EXOC2: variants seen among roughly 807,000 people sequenced by gnomAD.
EXOC2 encodes the protein SEC5-like 1.
A neutral mutation model predicts 131.8 loss-of-function variants in EXOC2; 70 were observed. The ratio of observed to expected loss-of-function variants is 0.53; its 90% confidence interval spans 0.44 to 0.65. The LOEUF (loss-of-function observed/expected upper bound fraction) is 0.65, where lower values mean the gene tolerates loss of function less well. Ranked by LOEUF, EXOC2 falls within the 30% of genes least tolerant of loss-of-function variation. The pLI, the probability that EXOC2 is intolerant of heterozygous loss-of-function variation, is 0.00. For synonymous variants in EXOC2, 411 were observed against 398.4 expected (o/e 1.03, Z -0.38); for missense variants, 923 against 1,108.6 (o/e 0.83, Z 2.38).
chr6:614,934 G>A (rs945005376), intron 6 of EXOC2, among the ~76,000 whole-genome samples: 4 of 45,902 alleles, frequency 8.7e-5, no homozygotes, highest in African/African-American at 2.6e-4. Flanking sequence ...AAACTACTAA[G>A]GAGGAAAATT....
At chr6:513,497 C>A (rs553260375) in intron 23 of EXOC2, among the ~76,000 whole-genome samples, 1 of 152,184 alleles carries the variant, frequency 6.6e-6, no homozygotes, top group Non-Finnish European at 1.5e-5. Context: ...TCTTTCATAT[C>A]CATCATATTT....
At chr6:630,094 C>A in intron 3 of EXOC2, 133 bp from the exon 4 acceptor site, 1 of 1,106,982 alleles carries the variant, frequency 9.0e-7, no homozygotes. Flanking sequence ...GATTTGAGGA[C>A]ATAACAGCTA....
In EXOC2 at chr6:486,467, GAATGGCAAAACAAAT is replaced by G; in HGVS notation, c.*189_*203del. On this transcript the variant is annotated 3_prime_UTR_variant, in exon 28 of 28. Transcript: ENST00000230449. ...AGTCATACAGGATCTGATCTAGTAAGAATGGCAAAACAAATACTTCCTGGGCATTTCAAATGAGGT... is the reference window on the plus strand; with the variant it reads ...AGTCATACAGGATCTGATCTAGTAAGACTTCCTGGGCATTTCAAATGAGGT... The G allele has an allele frequency of 1.8e-6, 1 of 541,526 alleles. No homozygotes were observed. Among genetic ancestry groups the G allele is most frequent in the South Asian group, 2.7e-5 (1 of 37,186 alleles). 33.5% of individuals were successfully genotyped at this position (541,526 alleles called of 1,614,324 possible).
At chr6:508,608 T>C (rs139760558) in intron 23 of EXOC2, among the ~76,000 whole-genome samples, 11 of 152,370 alleles carry the variant, frequency 7.2e-5, no homozygotes, top group Non-Finnish European at 1.6e-4. Context: ...TTCCATGCCT[T>C]GCTCATTTCA....
chr6:599,030 A>T (rs1458738113), intron 8 of EXOC2, 50 bp downstream of exon 8: 4 of 1,568,696 alleles, frequency 2.5e-6, no homozygotes, highest in Non-Finnish European at 3.5e-6. Context: ...AAAATCTTAA[A>T]AATGTATGAC....
intron 4 of EXOC2, among the ~76,000 whole-genome samples, chr6:625,901 T>C (rs9328329): frequency 0.95 from 145,296 of 152,248 alleles, 69,409 homozygotes; most frequent in East Asian, 1. Flanking sequence ...AAGCTCCTGA[T>C]TTCTGCCCCT....
intron 22 of EXOC2, among the ~76,000 whole-genome samples, chr6:537,220 GCGCACACACGAGA>G (rs1766501828): frequency 2.0e-5 from 3 of 151,626 alleles, no homozygotes; most frequent in African/African-American, 7.3e-5. Flanking sequence ...GACCGACGGA[GCGCACACACGAGA>G]TGACGGCCGA....
At chr6:627,168 C>G (rs1005422614) in intron 4 of EXOC2, among the ~76,000 whole-genome samples, 3 of 146,820 alleles carry the variant, frequency 2.0e-5, no homozygotes, top group African/African-American at 7.6e-5. Context: ...TTCCTTTTAT[C>G]TTTCTCTAAA....
At chr6:584,064 TATG>T (rs1759067796) in intron 11 of EXOC2, among the ~76,000 whole-genome samples, 3 of 152,378 alleles carry the variant, frequency 2.0e-5, no homozygotes, top group South Asian at 4.1e-4. Context: ...GCAACCTTAT[TATG>T]ATAACTTTAA....
intron 1 of EXOC2, among the ~76,000 whole-genome samples, chr6:666,839 CCTCTT>C (rs1317977673): frequency 1.0e-5 from 1 of 96,170 alleles, no homozygotes; most frequent in African/African-American, 3.1e-5. Context: ...TCCCATTTTC[CCTCTT>C]CTCTTAGCAT....
chr6:676,248 C>T (rs111459498), intron 1 of EXOC2, among the ~76,000 whole-genome samples: 27 of 77,702 alleles, frequency 3.5e-4, no homozygotes, highest in East Asian at 5.2e-4. Flanking sequence ...GACTGCGGTT[C>T]CCCATACTCT....
intron 23 of EXOC2, among the ~76,000 whole-genome samples, chr6:529,680 A>G (rs918633570): frequency 2.6e-5 from 4 of 152,196 alleles, no homozygotes; most frequent in African/African-American, 9.6e-5. Context: ...ACGTACTTAC[A>G]TGTGAATCAC....
chr6:566,679 T>G (rs1005982991), intron 13 of EXOC2, among the ~76,000 whole-genome samples: 1 of 149,526 alleles, frequency 6.7e-6, no homozygotes. Flanking sequence ...TTGTTAGGTC[T>G]TAGGCTTGGG....
At chr6:597,015 G>C (rs1230921446) in intron 10 of EXOC2, among the ~76,000 whole-genome samples, 2 of 152,132 alleles carry the variant, frequency 1.3e-5, no homozygotes, top group Non-Finnish European at 2.9e-5. Flanking sequence ...CAACTATCCT[G>C]AGATGCAGAT....
At position 502,497 on chromosome 6, in the gene EXOC2, C is replaced by A. The variant is rs190027453; in HGVS notation, c.2381-2797G>T. Among the ~76,000 whole-genome samples the A allele has an allele frequency of 8.5e-5, 13 of 152,272 alleles. No individual in the cohort carries two copies. The East Asian group carries it at 2.3e-3, about 27-fold the overall frequency. ...AACTCAACTCCCACTCGGACCCCGACATCATAAACACTTCCTGGCAAGAAC... is the reference window on the plus strand; with the variant it reads ...AACTCAACTCCCACTCGGACCCCGAAATCATAAACACTTCCTGGCAAGAAC... On this transcript the variant is annotated intron_variant, in intron 23 of 27. Transcript: ENST00000230449.
intron 13 of EXOC2, among the ~76,000 whole-genome samples, chr6:565,441 G>A (rs1310840393): frequency 6.6e-6 from 1 of 152,150 alleles, no homozygotes; most frequent in Non-Finnish European, 1.5e-5. Context: ...TTTGTTTACT[G>A]ATATAACTCA....
At chr6:557,359 C>A (rs942676953) in intron 17 of EXOC2, among the ~76,000 whole-genome samples, 1 of 152,110 alleles carries the variant, frequency 6.6e-6, no homozygotes, top group African/African-American at 2.4e-5. Flanking sequence ...GTGGCTCACG[C>A]CTGTAATCCC....
At chr6:663,525 G>A (rs1763508342) in intron 1 of EXOC2, among the ~76,000 whole-genome samples, 1 of 152,158 alleles carries the variant, frequency 6.6e-6, no homozygotes, top group African/African-American at 2.4e-5. Flanking sequence ...GAACATAGAT[G>A]CTAAAATCCT....
chr6:632,729 T>C (rs1761915250), intron 3 of EXOC2, among the ~76,000 whole-genome samples: 1 of 152,212 alleles, frequency 6.6e-6, no homozygotes, highest in African/African-American at 2.4e-5. Flanking sequence ...ACCGTCATCC[T>C]TAGGCTTCAC....
Sources: gnomAD v4.1 joint callset for allele counts (sites outside exome capture counted in the v4.1 genomes callset) on GRCh38, gnomAD v4.1.1 for gene constraint, MANE v1.5 for transcripts, NCBI Gene and HGNC (gene_info 2026-07-23, HGNC 2026-07-21) for gene names.